Variants in KLF8 observed in about 807,000 individuals in gnomAD.
KLF8 encodes Krueppel-like factor 8.
A neutral mutation model predicts 18.2 loss-of-function variants in KLF8; 10 were observed. The ratio of observed to expected loss-of-function variants is 0.55; its 90% confidence interval spans 0.34 to 0.93. The LOEUF is 0.93. KLF8 is among the 40% of genes least tolerant of loss of function. The probability of loss-of-function intolerance (pLI) is 0.02; values close to 1 mark genes in which losing one functional copy is unlikely to be tolerated. For missense variants in KLF8, 264 were observed against 277.9 expected (o/e 0.95, Z 0.36); for synonymous variants, 109 against 97.3 (o/e 1.12, Z -0.71).
At chrX:56,161,989 G>A in the KLF8 span, among the ~76,000 whole-genome samples, 2 of 112,157 alleles carry the variant, frequency 1.8e-5, no homozygotes, top group African/African-American at 6.5e-5. Context: ...CCTTCTAACA[G>A]TCAGGACCCT....
chrX:56,024,793 C>T, the KLF8 span, among the ~76,000 whole-genome samples: 1 of 111,716 alleles, frequency 9.0e-6, no homozygotes, highest in African/African-American at 3.3e-5. Flanking sequence ...ATTTTAAAGG[C>T]CTGGTTTTGG....
chrX:55,943,700 C>T, the KLF8 span, among the ~76,000 whole-genome samples: 1 of 112,046 alleles, frequency 8.9e-6, no homozygotes, highest in Middle Eastern at 4.2e-3. Context: ...AAGCCAATGG[C>T]TTACTGCTCT....
chrX:56,162,165 T>A, the KLF8 span, among the ~76,000 whole-genome samples: 2 of 111,607 alleles, frequency 1.8e-5, no homozygotes, highest in African/African-American at 6.5e-5. Flanking sequence ...CCATGTGAGG[T>A]GTCAGTGTGC....
chrX:56,126,797 G>A, the KLF8 span, among the ~76,000 whole-genome samples: 1 of 97,226 alleles, frequency 1.0e-5, no homozygotes, highest in African/African-American at 3.9e-5. Flanking sequence ...CTTGTACCCA[G>A]GCTGGAGTGC....
chrX:56,194,716 A>T, the KLF8 span, among the ~76,000 whole-genome samples: 2 of 112,105 alleles, frequency 1.8e-5, no homozygotes, highest in African/African-American at 6.5e-5. Context: ...TTCTCCAAGC[A>T]TGGTGTTTGA....
the KLF8 span, among the ~76,000 whole-genome samples, chrX:56,152,185 C>T: frequency 9.0e-6 from 1 of 111,522 alleles, no homozygotes; most frequent in Non-Finnish European, 1.9e-5. Context: ...CTTCCAGTTG[C>T]TGTCTAAATG....
the KLF8 span, among the ~76,000 whole-genome samples, chrX:56,022,634 G>A: frequency 9.4e-6 from 1 of 106,841 alleles, no homozygotes; most frequent in East Asian, 2.9e-4. Context: ...ATTTTAATTT[G>A]CCCTGTTCCT....
chrX:55,962,178 A>G, the KLF8 span: 1 of 159,562 alleles, frequency 6.3e-6, no homozygotes, highest in Middle Eastern at 2.2e-3. Context: ...TGCTTCTACC[A>G]TTCTTAACAC....
chrX:55,949,377 G>C, the KLF8 span, among the ~76,000 whole-genome samples: 1 of 99,213 alleles, frequency 1.0e-5, no homozygotes, highest in Non-Finnish European at 2.1e-5. Context: ...GTGTGTGTGT[G>C]ATGCTTTTAA....
the KLF8 span, among the ~76,000 whole-genome samples, chrX:56,222,830 T>TGGCCGGCGGCTCCGAGTGCGGGGCC: frequency 4.4e-5 from 5 of 113,073 alleles, no homozygotes; most frequent in African/African-American, 1.6e-4. Context: ...CTAGCGGGGC[T>TGGCCGGCGGCTCCGAGTGCGGGGCC]GGCCGGCGGC....
chrX:56,012,752 A>C, the KLF8 span, among the ~76,000 whole-genome samples: 4 of 111,556 alleles, frequency 3.6e-5, no homozygotes, highest in Admixed American at 9.5e-5. Flanking sequence ...TAACATTGGA[A>C]AAATCAATAT....
chrX:56,155,870 T>C, the KLF8 span, among the ~76,000 whole-genome samples: 1 of 111,622 alleles, frequency 9.0e-6, no homozygotes, highest in Non-Finnish European at 1.9e-5. Flanking sequence ...CCGTGTGTGC[T>C]CAATACTTAG....
the KLF8 span, among the ~76,000 whole-genome samples, chrX:55,930,275 G>T: frequency 8.9e-6 from 1 of 112,122 alleles, no homozygotes; most frequent in Non-Finnish European, 1.9e-5. Flanking sequence ...AGCTTAAGGA[G>T]TTTCTGGGCT....
intron 1 of KLF8, among the ~76,000 whole-genome samples, chrX:56,249,842 G>T (rs1478424068): frequency 9.0e-6 from 1 of 111,702 alleles, no homozygotes; most frequent in African/African-American, 3.2e-5. Context: ...TCTCTAGAGA[G>T]ATTTGGCCTT....
At chrX:56,166,270 G>A in the KLF8 span, among the ~76,000 whole-genome samples, 1 of 110,334 alleles carries the variant, frequency 9.1e-6, no homozygotes, top group Middle Eastern at 4.3e-3. Flanking sequence ...GTTTCATCAA[G>A]GTATTCTTAA....
At chrX:56,252,016 CTT>C in intron 2 of KLF8, among the ~76,000 whole-genome samples, 1 of 110,541 alleles carries the variant, frequency 9.0e-6, no homozygotes, top group Non-Finnish European at 1.9e-5. Context: ...TTATTTCCAA[CTT>C]TTTTTTGTTT....
chrX:56,062,535 G>A, the KLF8 span, among the ~76,000 whole-genome samples: 327 of 112,213 alleles, frequency 2.9e-3, no homozygotes, highest in African/African-American at 0.01. Context: ...GGCTTGTAGG[G>A]TTTCTGCAGA....
At chrX:56,020,051 G>A in the KLF8 span, among the ~76,000 whole-genome samples, 11 of 111,965 alleles carry the variant, frequency 9.8e-5, no homozygotes, top group East Asian at 2.8e-4. Flanking sequence ...TTGATGTGTC[G>A]TGGCATCTGA....
the KLF8 span, among the ~76,000 whole-genome samples, chrX:55,974,906 G>T: frequency 1.3e-4 from 15 of 112,101 alleles, no homozygotes; most frequent in African/African-American, 4.9e-4. Flanking sequence ...GCAAGTTTTT[G>T]TGTCCTCTTT....
Sources: allele counts gnomAD v4.1 joint callset (sites outside exome capture counted in the v4.1 genomes callset), GRCh38; gene constraint gnomAD v4.1.1; transcripts MANE v1.5; gene names NCBI Gene and HGNC (gene_info 2026-07-23, HGNC 2026-07-21).